TAF4: variants seen among roughly 807,000 people sequenced by gnomAD.
TAF4 encodes the protein transcription initiation factor TFIID subunit 4.
TAF4 carries 9 observed loss-of-function variants against 90.3 expected under a neutral mutation model. The observed-to-expected ratio is 0.10, with a 90% CI of 0.06 to 0.17. The LOEUF is 0.17. Among genes scored for constraint, TAF4 ranks in the 10% least tolerant of loss-of-function variants. TAF4 has a pLI of 1.00. For synonymous variants in TAF4, 818 were observed against 638.9 expected (o/e 1.28, Z -4.23); for missense variants, 1,351 against 1,370.7 (o/e 0.99, Z 0.23).
At chr20:62,041,916 T>TA (rs796247739) in intron 1 of TAF4, among the ~76,000 whole-genome samples, 4,451 of 137,612 alleles carry the variant, frequency 0.032, 198 homozygotes, top group African/African-American at 0.1. Context: ...CCCTATCTCC[T>TA]AAAAAAAAAA....
chr20:62,003,080 G>A, intron 9 of TAF4, 80 bp downstream of exon 9: 2 of 1,245,490 alleles, frequency 1.6e-6, no homozygotes, highest in Non-Finnish European at 2.3e-6. Flanking sequence ...AGACCCGTGG[G>A]CGGGAATGGA....
In TAF4 at chr20:62,064,745, G is replaced by C; in HGVS notation, c.1066C>G (p.Pro356Ala). Residue 356 changes from proline to alanine, a missense_variant, in exon 1 of 15, where the codon CCG becomes GCG. Transcript: ENST00000252996. ...SPKRVVQAAPPAAQTLAASGP... is the reference protein window; with the variant it reads ...SPKRVVQAAPAAAQTLAASGP... ...CTGGCCGCCAGGGTCTGCGCCGCCG[G>C]GGGCGCCGCCTGCACCACCCTCTTG... is the stretch of plus-strand genomic sequence containing the variant. The C allele has an allele frequency of 8.5e-7, 1 of 1,169,890 alleles. No individual in the cohort carries two copies. Among genetic ancestry groups the C allele is most frequent in the Non-Finnish European group, 1.0e-6 (1 of 952,872 alleles). 72.5% of individuals were successfully genotyped at this position (1,169,890 alleles called of 1,614,324 possible). A position where few individuals can be genotyped will look rare whatever the true frequency, so the allele number is the denominator to read the frequency against.
At chr20:62,023,936 A>G (rs1305650696) in intron 1 of TAF4, among the ~76,000 whole-genome samples, 1 of 151,696 alleles carries the variant, frequency 6.6e-6, no homozygotes, top group Non-Finnish European at 1.5e-5. Context: ...TACAAAAATT[A>G]GACGGTGTGG....
In TAF4 at chr20:62,047,558, G is replaced by C. The variant is rs545608392; in HGVS notation, c.1360+16893C>G. ...AAGAAAGGGGCGCTGAGAAGAGTAA[G>C]TCCACAGGCAAGTGAAGACCCCATC... On this transcript the variant is annotated intron_variant, in intron 1 of 14. Transcript: ENST00000252996. 1.4e-3 allele frequency among the ~76,000 whole-genome samples: 219 copies of C among 152,294 alleles called. 1 individual carries two copies. The highest frequency in any genetic ancestry group is 5.1e-3 in the African/African-American group (211 of 41,564).
intron 1 of TAF4, among the ~76,000 whole-genome samples, chr20:62,043,910 G>C (rs1385329079): frequency 6.6e-6 from 1 of 152,202 alleles, no homozygotes; most frequent in Non-Finnish European, 1.5e-5. Flanking sequence ...ATTCCAGGAA[G>C]TATTTCTAAG....
chr20:62,065,698 G>C lies in TAF4; in HGVS notation c.113C>G (p.Ala38Gly), dbSNP rs1185890220. 2 of 1,269,598 alleles carry C rather than the reference G, an allele frequency of 1.6e-6. No homozygotes were observed. Among genetic ancestry groups the C allele is most frequent in the Admixed American group, 5.9e-5 (2 of 33,932 alleles). 78.6% of individuals were successfully genotyped at this position (1,269,598 alleles called of 1,614,324 possible). Residue 38 changes from alanine (A) to glycine (G), a missense_variant, in exon 1 of 15, where the codon GCC becomes GGC. By Grantham distance (60) the Ala-to-Gly change is moderately conservative. Coordinates refer to ENST00000252996, the MANE Select transcript of TAF4 (RefSeq NM_003185.4). ...GCGCGGCGCGAGGTGGTGGTGGTGG[G>C]CCGCGCTGGCCGCCAGCTGCGACTC... ...SLESQLAASA[A>G]HHHHLAPRTP... is the part of the protein sequence containing the mutation.
At chr20:62,027,228 G>A (rs550908039) in intron 1 of TAF4, among the ~76,000 whole-genome samples, 64 of 152,278 alleles carry the variant, frequency 4.2e-4, no homozygotes, top group African/African-American at 1.5e-3. Context: ...TTGGGAAGAA[G>A]CCAGCCTCGC....
intron 1 of TAF4, among the ~76,000 whole-genome samples, chr20:62,031,300 G>A (rs568473013): frequency 1.3e-5 from 2 of 152,302 alleles, no homozygotes; most frequent in South Asian, 4.1e-4. Context: ...ACACCTTGAG[G>A]CCCAGCATGT....
At position 62,061,955 on chromosome 20, in the gene TAF4, AG is replaced by A. The variant is rs1319382826; in HGVS notation, c.1360+2495del. Among the ~76,000 whole-genome samples the A allele has an allele frequency of 2.0e-5, 3 of 152,346 alleles. No homozygotes were observed. In the East Asian group the frequency reaches 5.8e-4, roughly 29 times the overall value. On this transcript the variant is annotated intron_variant, in intron 1 of 14. Transcript: ENST00000252996. The stretch of plus-strand genomic sequence containing the variant: ...ACTCGGGCCTAAGGCTTAGCCTTAA[AG>A]ACTTCAGGGTGAAACCTCTGTCCCC...
rs1555879115 is a variant in TAF4 at position 62,064,507 on chromosome 20, CG to C, written c.1303del (p.Arg435AlafsTer32). The C allele has an allele frequency of 1.5e-5, 22 of 1,517,084 alleles. No homozygotes were observed. The highest frequency in any genetic ancestry group is 5.2e-5 in the East Asian group (2 of 38,354). The allele number at this position is 1,517,084 out of a possible 1,614,324, so 94.0% of individuals were successfully genotyped here. On this transcript the variant is annotated frameshift_variant, in exon 1 of 15. Coordinates refer to ENST00000252996, the MANE Select transcript of TAF4 (RefSeq NM_003185.4). LOFTEE classifies it high-confidence loss of function. ...CGGGTTCTGAGGCGGCTGCGGCAAG[CG>C]GGGGGCCAGCACGGTGGGCGTCAGG... ...ATLTPTVLAP[R>X]LPQPPQNPTN... is the part of the protein sequence containing the mutation.
At chr20:62,012,972 T>G (rs1320549940) in intron 2 of TAF4, 38 bp from the exon 3 acceptor site, 2 of 1,609,138 alleles carry the variant, frequency 1.2e-6, no homozygotes, top group Non-Finnish European at 1.7e-6. Context: ...CGAGCGCAAG[T>G]AAAAGGAATT....
At chr20:61,996,723 T>C (rs1163456278) in intron 14 of TAF4, among the ~76,000 whole-genome samples, 1 of 148,874 alleles carries the variant, frequency 6.7e-6, no homozygotes, top group Non-Finnish European at 1.5e-5. Context: ...TGCTTGAACC[T>C]GGCAGGCGGA....
At chr20:62,034,325 ATTTT>A (rs1305796795) in intron 1 of TAF4, among the ~76,000 whole-genome samples, 12 of 152,098 alleles carry the variant, frequency 7.9e-5, no homozygotes, top group Admixed American at 7.9e-4. Context: ...AGAAAACGCA[ATTTT>A]TTGTTTATTT....
rs770298622 is a variant in TAF4 at position 62,012,798 on chromosome 20, G to A, written c.1641+17C>T. ...TGGCCCCTGCAGCCTCAAGAGATCC[G>A]CCGCCTGCCCTCTCACCTGGACGCC... is the stretch of plus-strand genomic sequence containing the variant. On this transcript the variant is annotated intron_variant, in intron 3 of 14. Transcript: ENST00000252996. 3.9e-5 allele frequency: 63 copies of A among 1,602,626 alleles called. 1 individual carries two copies. In the South Asian group the frequency reaches 4.6e-4, roughly 12 times the overall value.
intron 14 of TAF4, among the ~76,000 whole-genome samples, chr20:61,992,209 C>T (rs181109702): frequency 3.9e-5 from 6 of 152,056 alleles, no homozygotes; most frequent in African/African-American, 1.2e-4. Context: ...TCAAAGAGGG[C>T]GAAAGGGAGA....
At chr20:62,034,453 A>G (rs1216660668) in intron 1 of TAF4, among the ~76,000 whole-genome samples, 1 of 152,110 alleles carries the variant, frequency 6.6e-6, no homozygotes, top group Non-Finnish European at 1.5e-5. Flanking sequence ...CCTCCTGAGT[A>G]GCTGGGACTA....
chr20:62,018,130 C>G (rs2055823052), intron 1 of TAF4, among the ~76,000 whole-genome samples: 1 of 152,194 alleles, frequency 6.6e-6, no homozygotes, highest in African/African-American at 2.4e-5. Context: ...TATCTGTGAA[C>G]CAAGCGCGAG....
rs770160275 is a variant in TAF4, at chr20:61,999,102, C to T, written c.2794G>A (p.Asp932Asn). The T allele has an allele frequency of 5.0e-6, 8 of 1,613,984 alleles. No homozygotes were observed. Among genetic ancestry groups the T allele is most frequent in the Middle Eastern group, 3.3e-4 (2 of 6,062 alleles). Residue 932 changes from aspartate to asparagine, a missense_variant, in exon 12 of 15, where the codon GAC becomes AAC. Physicochemically the swap from Asp to Asn is conservative, Grantham distance 23. Coordinates refer to ENST00000252996, the MANE Select transcript of TAF4 (RefSeq NM_003185.4). Reference sequence around the variant, plus strand: ...ACGTCACTCGCCTGCTCATATCTGTCGTCATCCTATGAAGAAAGTTAAAAT... The same window carrying T: ...ACGTCACTCGCCTGCTCATATCTGTTGTCATCCTATGAAGAAAGTTAAAAT... The part of the protein sequence containing the change: ...QQKNFSYKDD[D>N]RYEQASDVRA...
At chr20:62,000,432 T>C in intron 10 of TAF4, 120 bp downstream of exon 10, 4 of 1,414,414 alleles carry the variant, frequency 2.8e-6, no homozygotes, top group African/African-American at 1.4e-5. Flanking sequence ...CCAGCAACCA[T>C]GTGGAAATCA....
Sources: allele counts gnomAD v4.1 joint callset (sites outside exome capture counted in the v4.1 genomes callset), GRCh38; gene constraint gnomAD v4.1.1; transcripts MANE v1.5; gene names NCBI Gene and HGNC (gene_info 2026-07-23, HGNC 2026-07-21).